GTF2H1: variants seen among roughly 807,000 people sequenced by gnomAD.
GTF2H1 encodes BTF2 p62.
Under a neutral mutation model 71.2 loss-of-function variants are expected in GTF2H1, and 16 were observed. The ratio of observed to expected loss-of-function variants is 0.22; its 90% CI spans 0.15 to 0.34. GTF2H1 has a LOEUF of 0.34. Ranked by LOEUF, GTF2H1 falls within the 10% of genes least tolerant of loss-of-function variation. GTF2H1 has a pLI of 1.00. For synonymous variants in GTF2H1, 215 were observed against 219.0 expected (o/e 0.98, Z 0.16); for missense variants, 498 against 648.2 (o/e 0.77, Z 2.52).
intron 9 of GTF2H1, among the ~76,000 whole-genome samples, chr11:18,351,159 A>G (rs531029116): frequency 6.6e-6 from 1 of 152,044 alleles, no homozygotes; most frequent in Non-Finnish European, 1.5e-5. Flanking sequence ...TGAGCATGGT[A>G]GCATGTGTCT....
rs1024945046 is a variant in GTF2H1 at position 18,325,525 on chromosome 11, G to A, written c.-16+2785G>A. Among the ~76,000 whole-genome samples, 3 of 152,206 alleles carry A rather than the reference G, an allele frequency of 2.0e-5. 1 individual carries two copies. Among genetic ancestry groups the A allele is most frequent in the South Asian group, 4.1e-4 (2 of 4,836 alleles). On this transcript the variant is annotated intron_variant, in intron 1 of 14. Coordinates refer to ENST00000265963, the MANE Select transcript of GTF2H1 (RefSeq NM_005316.4). ...CTGGGTGCTATATTACAGAGAACCC[G>A]ACATATATGGCCTCTGCCCTCCCTT...
At position 18,341,665 on chromosome 11, in the gene GTF2H1, T is replaced by C. The variant is rs4150605; in HGVS notation, c.837+58T>C. On this transcript the variant is annotated intron_variant, in intron 7 of 14. Coordinates refer to ENST00000265963, the MANE Select transcript of GTF2H1 (RefSeq NM_005316.4). The stretch of plus-strand genomic sequence containing the variant: ...AGAGTCTTTTCCTAGTCTTCAACAT[T>C]GTCTTAAGCGTAGTAGACCTATTCC... 1,441 of 1,086,814 alleles carry C rather than the reference T, an allele frequency of 1.3e-3. 12 individuals are homozygous for C. The highest frequency in any genetic ancestry group is 0.012 in the South Asian group (862 of 73,764). 67.3% of individuals were successfully genotyped at this position (1,086,814 alleles called of 1,614,324 possible).
chr11:18,353,173 T>C (rs1003548638), intron 11 of GTF2H1, among the ~76,000 whole-genome samples: 5 of 152,246 alleles, frequency 3.3e-5, no homozygotes, highest in African/African-American at 9.6e-5. Flanking sequence ...TACAGTGAGC[T>C]GACACCGCGC....
chr11:18,334,182 A>G (rs1864967997), intron 2 of GTF2H1, among the ~76,000 whole-genome samples: 1 of 152,184 alleles, frequency 6.6e-6, no homozygotes, highest in African/African-American at 2.4e-5. Flanking sequence ...GATCGAGACC[A>G]TCCTGGCTAA....
chr11:18,337,670 T>C (rs1357572171), intron 3 of GTF2H1, among the ~76,000 whole-genome samples: 3 of 150,880 alleles, frequency 2.0e-5, no homozygotes, highest in Non-Finnish European at 4.4e-5. Flanking sequence ...GTATTTGATA[T>C]TACAAATAGT....
intron 7 of GTF2H1, 49 bp downstream of exon 7, chr11:18,341,656 C>A: frequency 8.5e-7 from 1 of 1,179,166 alleles, no homozygotes; most frequent in South Asian, 1.3e-5. Context: ...TTTTCCTAGT[C>A]TTCAACATTG....
rs1865108943 is a variant in GTF2H1, at chr11:18,339,592, G to A, written c.542G>A (p.Cys181Tyr). ...GATGTCCGGCCCCAAACTGATGGCT[G>A]TAACGGTCTAAGATATAATTTAACT... Reference protein sequence around the residue: ...LADVRPQTDGCNGLRYNLTSD... With the variant: ...LADVRPQTDGYNGLRYNLTSD... Residue 181 changes from cysteine (C) to tyrosine (Y), a missense_variant, in exon 5 of 15, where the codon TGT (cysteine) becomes TAT (tyrosine). Around this residue, in one of 3 missense-constraint regions of GTF2H1, gnomAD observed 216 missense variants for 306.2 expected, o/e 0.71. Transcript: ENST00000265963. 3 of 1,613,308 alleles carry A rather than the reference G, an allele frequency of 1.9e-6. No homozygotes were observed. Among genetic ancestry groups the A allele is most frequent in the African/African-American group, 2.7e-5 (2 of 74,902 alleles).
chr11:18,341,197 C>T, intron 5 of GTF2H1, 64 bp from the exon 6 acceptor site: 7 of 1,290,054 alleles, frequency 5.4e-6, no homozygotes, highest in South Asian at 1.3e-5. Context: ...ATTTCAGTTA[C>T]CTAATTTGAG....
At chr11:18,327,181 C>A (rs1472888934) in intron 1 of GTF2H1, among the ~76,000 whole-genome samples, 1 of 152,116 alleles carries the variant, frequency 6.6e-6, no homozygotes, top group Non-Finnish European at 1.5e-5. Context: ...GCACCCCTAA[C>A]ACTTTCCTGG....
intron 11 of GTF2H1, among the ~76,000 whole-genome samples, chr11:18,356,531 G>C (rs1400273695): frequency 1.3e-5 from 2 of 152,078 alleles, no homozygotes; most frequent in African/African-American, 4.8e-5. Flanking sequence ...GACTATAGTT[G>C]TCCAGTATCT....
In GTF2H1 at chr11:18,335,084, G is replaced by T. The variant is rs1864992524; in HGVS notation, c.155-670G>T. ...GAATATTTCTGATTGTCTCCTCAAG[G>T]TTTTAATTTATTCCTGTATACCTGT... On this transcript the variant is annotated intron_variant, in intron 2 of 14. Transcript: ENST00000265963. Among the ~76,000 whole-genome samples the T allele has an allele frequency of 2.0e-5, 3 of 152,178 alleles. No individual in the cohort carries two copies. In the East Asian group the frequency reaches 5.8e-4, roughly 29 times the overall value.
chr11:18,353,053 C>T (rs373252326), intron 11 of GTF2H1, among the ~76,000 whole-genome samples: 2 of 152,088 alleles, frequency 1.3e-5, no homozygotes, highest in Admixed American at 1.3e-4. Context: ...TGGTGAAACC[C>T]GTCTGTACTA....
intron 11 of GTF2H1, among the ~76,000 whole-genome samples, chr11:18,355,769 C>T (rs1435433592): frequency 6.6e-6 from 1 of 152,160 alleles, no homozygotes; most frequent in Non-Finnish European, 1.5e-5. Flanking sequence ...CCTGCCTCAG[C>T]CTCCCAAAAT....
Position 18,358,614 on chromosome 11 carries a change from G to C in GTF2H1, c.1441G>C (p.Val481Leu). The change falls in exon 13 of 15, where the codon GTT becomes CTT. Residue 481 changes from valine (V) to leucine (L), a missense_variant. This residue lies in a region of GTF2H1 where 266 missense variants were observed against 301.6 expected (regional missense o/e 0.88). Coordinates refer to ENST00000265963, the MANE Select transcript of GTF2H1 (RefSeq NM_005316.4). ...ACGACATTTCTGGTCCTGCTTTCCT[G>C]TTAATACGCCATTCCTAGAAGAAAA... is the stretch of plus-strand genomic sequence containing the variant. The part of the protein sequence containing the change: ...LLRHFWSCFP[V>L]NTPFLEEKVV... 1 of 1,606,758 alleles carries C rather than the reference G, an allele frequency of 6.2e-7. No homozygotes were observed. Among genetic ancestry groups the C allele is most frequent in the East Asian group, 2.2e-5 (1 of 44,796 alleles).
chr11:18,354,704 C>T (rs1865502695), intron 11 of GTF2H1, among the ~76,000 whole-genome samples: 1 of 152,190 alleles, frequency 6.6e-6, no homozygotes, highest in South Asian at 2.1e-4. Context: ...TATCAGCTGA[C>T]ATGAAAGGAA....
chr11:18,328,331 C>T (rs1475399366), intron 1 of GTF2H1, among the ~76,000 whole-genome samples: 1 of 150,998 alleles, frequency 6.6e-6, no homozygotes, highest in South Asian at 2.1e-4. Context: ...GCCAACATGG[C>T]GAAACCCCGT....
chr11:18,329,371 A>AT (rs1864842656), intron 1 of GTF2H1, among the ~76,000 whole-genome samples: 1 of 152,144 alleles, frequency 6.6e-6, no homozygotes, highest in Non-Finnish European at 1.5e-5. Flanking sequence ...ATTTCTGAAA[A>AT]TGGTACCACT....
At chr11:18,347,311 T>C (rs1865317044) in intron 7 of GTF2H1, 1 of 217,796 alleles carries the variant, frequency 4.6e-6, no homozygotes, top group East Asian at 1.1e-4. Flanking sequence ...GAGGCGAAGG[T>C]TGCACTCCAG....
At chr11:18,360,486 TTTTTA>T (rs1421287573) in intron 13 of GTF2H1, 124 bp from the exon 14 acceptor site, 9 of 535,534 alleles carry the variant, frequency 1.7e-5, no homozygotes, top group Non-Finnish European at 2.3e-5. Context: ...AATTGGTATA[TTTTTA>T]TTTTATTTTT....
Sources: allele counts gnomAD v4.1 joint callset (sites outside exome capture counted in the v4.1 genomes callset), GRCh38; gene constraint gnomAD v4.1.1; regional missense constraint gnomAD v4.1.1; transcripts MANE v1.5; gene names NCBI Gene and HGNC (gene_info 2026-07-23, HGNC 2026-07-21).